The following PPP2R5A variants were observed in gnomAD, a reference collection of about 807,000 sequenced individuals.
The protein encoded by PPP2R5A is protein phosphatase 2 regulatory subunit B'alpha.
Under a neutral mutation model 64.2 loss-of-function variants are expected in PPP2R5A, and 25 were observed. The ratio of observed to expected loss-of-function variants is 0.39; its 90% CI spans 0.28 to 0.54. The LOEUF (loss-of-function observed/expected upper bound fraction) is 0.54, where lower values mean the gene tolerates loss of function less well. Among genes scored for constraint, PPP2R5A ranks in the 20% least tolerant of loss-of-function variants. PPP2R5A has a pLI of 0.67. For synonymous variants in PPP2R5A, 198 were observed against 201.2 expected (o/e 0.98, Z 0.13); for missense variants, 425 against 576.3 (o/e 0.74, Z 2.69).
rs569488528 is a variant in PPP2R5A at position 212,286,158 on chromosome 1, G to A, written c.48G>A (p.Ser16=). ...PPAGAASAAI[S]ASEKVDGFTR... ...CGGGGGCTGCCAGCGCCGCCATCTC[G>A]GCCTCGGAGAAAGTGGACGGCTTCA... The change falls in exon 1 of 13, where the codon TCG becomes TCA. Residue 16 remains serine, a synonymous_variant. Coordinates refer to ENST00000261461, the MANE Select transcript of PPP2R5A (RefSeq NM_006243.4). 1.3e-6 allele frequency: 2 copies of A among 1,589,520 alleles called. No homozygotes were observed. Among genetic ancestry groups the A allele is most frequent in the East Asian group, 2.3e-5 (1 of 43,362 alleles).
chr1:212,327,896 C>T (rs2102431971), intron 1 of PPP2R5A, among the ~76,000 whole-genome samples: 1 of 152,308 alleles, frequency 6.6e-6, no homozygotes. Context: ...CTCGCTGCAA[C>T]CCCAGCCTCC....
chr1:212,339,856 AT>A (rs1659657347), intron 3 of PPP2R5A, among the ~76,000 whole-genome samples: 1 of 152,152 alleles, frequency 6.6e-6, no homozygotes, highest in African/African-American at 2.4e-5. Flanking sequence ...TGCATGCCAC[AT>A]TTGGCTCATG....
At chr1:212,314,372 GT>G (rs199726662) in intron 1 of PPP2R5A, among the ~76,000 whole-genome samples, 1 of 151,150 alleles carries the variant, frequency 6.6e-6, no homozygotes, top group East Asian at 1.9e-4. Flanking sequence ...GAGAAAGGTA[GT>G]TTTTTTTTGT....
chr1:212,361,145 C>G lies in PPP2R5A; in HGVS notation c.*375C>G, dbSNP rs1389580869. 3 of 154,844 alleles carry G rather than the reference C, an allele frequency of 1.9e-5. No homozygotes were observed. The highest frequency in any genetic ancestry group is 7.2e-5 in the African/African-American group (3 of 41,508). The allele number at this position is 154,844 out of a possible 1,614,324, so 9.6% of individuals were successfully genotyped here. The stretch of plus-strand genomic sequence containing the variant: ...GTATATTTTTCCCTTTTATAATGTG[C>G]TTTTCACACTGCTGCAAACCTTAGT... On this transcript the variant is annotated 3_prime_UTR_variant, in exon 13 of 13. Transcript: ENST00000261461.
chr1:212,293,135 C>T (rs1658632179), intron 1 of PPP2R5A, among the ~76,000 whole-genome samples: 1 of 152,174 alleles, frequency 6.6e-6, no homozygotes, highest in African/African-American at 2.4e-5. Flanking sequence ...TAAATGAATT[C>T]TGGGTCCTTA....
chr1:212,321,879 G>A (rs1659303012), intron 1 of PPP2R5A, among the ~76,000 whole-genome samples: 1 of 150,914 alleles, frequency 6.6e-6, no homozygotes, highest in Admixed American at 6.6e-5. Context: ...TCATGCCACT[G>A]CACTCCAGCC....
chr1:212,329,803 G>A (rs1277362332), intron 2 of PPP2R5A, among the ~76,000 whole-genome samples: 2 of 152,086 alleles, frequency 1.3e-5, no homozygotes, highest in Non-Finnish European at 2.9e-5. Flanking sequence ...CCACGACCAC[G>A]CCCAGCCAAT....
intron 3 of PPP2R5A, among the ~76,000 whole-genome samples, chr1:212,335,222 G>C (rs890053694): frequency 2.0e-5 from 3 of 152,070 alleles, no homozygotes; most frequent in Non-Finnish European, 4.4e-5. Context: ...GCTCACACCT[G>C]TAATCCCAGC....
chr1:212,314,103 A>G (rs1659098933), intron 1 of PPP2R5A, among the ~76,000 whole-genome samples: 1 of 152,180 alleles, frequency 6.6e-6, no homozygotes, highest in Non-Finnish European at 1.5e-5. Flanking sequence ...GACTTCTCAG[A>G]TTCATTGCCC....
At chr1:212,297,715 T>A (rs1218718451) in intron 1 of PPP2R5A, 1 of 152,148 alleles carries the variant, frequency 6.6e-6, no homozygotes, top group East Asian at 1.9e-4. Flanking sequence ...TGAAACACTG[T>A]CCTCTCATTT....
At chr1:212,287,846 G>T (rs1658532407) in intron 1 of PPP2R5A, among the ~76,000 whole-genome samples, 1 of 151,826 alleles carries the variant, frequency 6.6e-6, no homozygotes, top group South Asian at 2.1e-4. Flanking sequence ...TCAAACTGTA[G>T]TTTGAAGGTT....
intron 4 of PPP2R5A, among the ~76,000 whole-genome samples, chr1:212,344,330 C>A (rs1659736985): frequency 1.3e-5 from 2 of 152,248 alleles, no homozygotes; most frequent in South Asian, 4.1e-4. Context: ...AACAAAAATT[C>A]TCATACTCCG....
chr1:212,337,228 CTATT>C (rs1659605726), intron 3 of PPP2R5A, among the ~76,000 whole-genome samples: 1 of 152,076 alleles, frequency 6.6e-6, no homozygotes, highest in African/African-American at 2.4e-5. Context: ...TTATTGCTTT[CTATT>C]TATTGAAGAC....
At chr1:212,301,707 C>A in intron 1 of PPP2R5A, 2 of 624,918 alleles carry the variant, frequency 3.2e-6, no homozygotes, top group Non-Finnish European at 4.0e-6. Context: ...GGGGTATTGC[C>A]AAAAAAAGCT....
At chr1:212,309,052 A>G in intron 1 of PPP2R5A, 2 of 770,294 alleles carry the variant, frequency 2.6e-6, no homozygotes, top group Non-Finnish European at 4.7e-6. Flanking sequence ...CTCAGTTTAG[A>G]TGATCTCGAT....
At chr1:212,305,312 C>T (rs1391867451) in intron 1 of PPP2R5A, among the ~76,000 whole-genome samples, 2 of 152,000 alleles carry the variant, frequency 1.3e-5, no homozygotes, top group Admixed American at 6.6e-5. Context: ...TGTGAGCCAC[C>T]GCGCCCGGCT....
chr1:212,320,943 C>G (rs1485041617), intron 1 of PPP2R5A, among the ~76,000 whole-genome samples: 1 of 77,376 alleles, frequency 1.3e-5, no homozygotes, highest in Non-Finnish European at 3.0e-5. Flanking sequence ...GGGGGGCTGA[C>G]CCCCCCGCCT....
rs143385058 is a variant in PPP2R5A at position 212,347,731 on chromosome 1, C to T, written c.764+325C>T. Among the ~76,000 whole-genome samples, 612 of 151,916 alleles carry T rather than the reference C, an allele frequency of 4.0e-3. 4 individuals are homozygous for T. Among genetic ancestry groups the T allele is most frequent in the African/African-American group, 0.013 (553 of 41,428 alleles). On this transcript the variant is annotated intron_variant, in intron 6 of 12. Coordinates refer to ENST00000261461, the MANE Select transcript of PPP2R5A (RefSeq NM_006243.4). ...ATTTTTTAATTTTTATTTTTAGTAG[C>T]GATGGGGTTTCACCGTGTTGGCCAG... is the stretch of plus-strand genomic sequence containing the variant.
chr1:212,320,618 G>C (rs1235317382), intron 1 of PPP2R5A, among the ~76,000 whole-genome samples: 2 of 143,334 alleles, frequency 1.4e-5, no homozygotes, highest in Non-Finnish European at 3.1e-5. Context: ...CTGGCCGGGC[G>C]GGGGGCTGAC....
Sources: allele counts gnomAD v4.1 joint callset (sites outside exome capture counted in the v4.1 genomes callset), GRCh38; gene constraint gnomAD v4.1.1; transcripts MANE v1.5; gene names NCBI Gene and HGNC (gene_info 2026-07-23, HGNC 2026-07-21).